Variants in CADPS observed in about 807,000 individuals in gnomAD.
CADPS encodes calcium-dependent secretion activator 1.
Under a neutral mutation model 167.3 loss-of-function variants are expected in CADPS, and 57 were observed. The ratio of observed to expected loss-of-function variants is 0.34; its 90% CI spans 0.28 to 0.42. The LOEUF is 0.42. Ranked by LOEUF, CADPS falls within the 20% of genes least tolerant of loss-of-function variation. The pLI is 1.00. For missense variants in CADPS, 1,414 were observed against 1,738.1 expected (o/e 0.81, Z 3.32); for synonymous variants, 676 against 635.3 (o/e 1.06, Z -0.96).
At chr3:62,500,940 T>C (rs1041454950) in intron 17 of CADPS, among the ~76,000 whole-genome samples, 1 of 152,040 alleles carries the variant, frequency 6.6e-6, no homozygotes, top group Non-Finnish European at 1.5e-5. Context: ...TTCTAGCAAA[T>C]GGGATGTAAG....
In CADPS at chr3:62,705,926, C is replaced by G. The variant is rs140926105; in HGVS notation, c.889-43532G>C. ...GGTCTTTTGAAAACATATATCACATCATGTCATTTGCCTCCTTTAAAGCTA... is the reference window on the plus strand; with the variant it reads ...GGTCTTTTGAAAACATATATCACATGATGTCATTTGCCTCCTTTAAAGCTA... On this transcript the variant is annotated intron_variant, in intron 3 of 29. Transcript: ENST00000383710. 3.2e-4 allele frequency among the ~76,000 whole-genome samples: 48 copies of G among 152,298 alleles called. 1 individual carries two copies. Among genetic ancestry groups the G allele is most frequent in the African/African-American group, 1.1e-3 (46 of 41,542 alleles).
intron 11 of CADPS, among the ~76,000 whole-genome samples, chr3:62,540,016 A>G (rs2075423512): frequency 6.6e-6 from 1 of 152,168 alleles, no homozygotes; most frequent in African/African-American, 2.4e-5. Context: ...GAAGAGAAGT[A>G]CCTGGAAAGT....
chr3:62,720,350 T>G (rs77231017), intron 3 of CADPS, among the ~76,000 whole-genome samples: 1 of 151,638 alleles, frequency 6.6e-6, no homozygotes, highest in African/African-American at 2.4e-5. Flanking sequence ...TGTTTTTTTT[T>G]GAAACACGGT....
At chr3:62,556,177 C>T (rs749435262) in intron 10 of CADPS, among the ~76,000 whole-genome samples, 4 of 152,212 alleles carry the variant, frequency 2.6e-5, no homozygotes, top group Admixed American at 6.5e-5. Flanking sequence ...CCATCCTTTC[C>T]ATGAGAAGTT....
At chr3:62,660,596 C>T (rs1351233323) in intron 4 of CADPS, among the ~76,000 whole-genome samples, 3 of 152,100 alleles carry the variant, frequency 2.0e-5, no homozygotes. Flanking sequence ...GCTTCTCCTC[C>T]AGTAGGATTC....
At chr3:62,766,011 T>C in intron 1 of CADPS, 27 bp from the exon 2 acceptor site, 5 of 1,484,854 alleles carry the variant, frequency 3.4e-6, no homozygotes, top group Admixed American at 1.7e-5. Flanking sequence ...AAGAGGGAAA[T>C]GTGAGAACTT....
intron 3 of CADPS, among the ~76,000 whole-genome samples, chr3:62,701,037 C>G (rs2081291789): frequency 6.6e-6 from 1 of 151,998 alleles, no homozygotes; most frequent in Non-Finnish European, 1.5e-5. Flanking sequence ...TCTGGGGTCT[C>G]TCAGAAGGGC....
intron 13 of CADPS, among the ~76,000 whole-genome samples, chr3:62,531,925 A>C (rs1370357778): frequency 6.6e-6 from 1 of 152,222 alleles, no homozygotes; most frequent in East Asian, 1.9e-4. Flanking sequence ...GTCTAAAGAA[A>C]GAGAGTACTT....
intron 13 of CADPS, among the ~76,000 whole-genome samples, chr3:62,525,184 T>C (rs2071751936): frequency 6.6e-6 from 1 of 152,168 alleles, no homozygotes; most frequent in Admixed American, 6.6e-5. Flanking sequence ...ATAGGTAATT[T>C]AGCATATTTC....
intron 24 of CADPS, among the ~76,000 whole-genome samples, chr3:62,467,798 C>G (rs934013742): frequency 6.6e-6 from 1 of 152,052 alleles, no homozygotes; most frequent in Non-Finnish European, 1.5e-5. Flanking sequence ...AACCAGTGCC[C>G]GAGTCCTTTC....
chr3:62,807,686 TACTTC>T (rs1346541103), intron 1 of CADPS, among the ~76,000 whole-genome samples: 2 of 152,188 alleles, frequency 1.3e-5, no homozygotes, highest in Non-Finnish European at 2.9e-5. Context: ...AATACATATT[TACTTC>T]ATCTGCCAGT....
At chr3:62,564,882 G>C (rs1488072524) in intron 9 of CADPS, among the ~76,000 whole-genome samples, 2 of 152,150 alleles carry the variant, frequency 1.3e-5, no homozygotes. Context: ...TGGGATTACA[G>C]GCATGAGCCA....
At position 62,550,007 on chromosome 3, in the gene CADPS, C is replaced by T; in HGVS notation, c.1862G>A (p.Arg621Gln). The T allele has an allele frequency of 1.2e-6, 2 of 1,613,998 alleles. No homozygotes were observed. Among genetic ancestry groups the T allele is most frequent in the Non-Finnish European group, 8.5e-7 (1 of 1,179,966 alleles). The change falls in exon 11 of 30, where the codon CGG becomes CAG. Residue 621 changes from arginine to glutamine, a missense_variant. Coordinates refer to ENST00000383710, the MANE Select transcript of CADPS (RefSeq NM_003716.4). ...DRILWVQAMY[R>Q]ATGQSHKPVP... ...AGGCTTGTGTGACTGCCCCGTGGCC[C>T]GATACATGGCCTGGACCCACAGGAT...
intron 1 of CADPS, among the ~76,000 whole-genome samples, chr3:62,828,965 C>A (rs935563607): frequency 1.3e-5 from 2 of 152,172 alleles, no homozygotes; most frequent in Admixed American, 6.5e-5. Context: ...CTTACTCTTA[C>A]CTTACATGGG....
At position 62,426,872 on chromosome 3, in the gene CADPS, A is replaced by C. The variant is rs539405867; in HGVS notation, c.3777+11232T>G. Among the ~76,000 whole-genome samples, 8 of 150,954 alleles carry C rather than the reference A, an allele frequency of 5.3e-5. 1 individual carries two copies. In the South Asian group the frequency reaches 8.4e-4, roughly 16 times the overall value. ...CATGAGGTCAGGAGATCGAGACCAT[A>C]CTGGCTAACACGATGAAACCCTGTC... On this transcript the variant is annotated intron_variant, in intron 28 of 29. Transcript: ENST00000383710.
intron 6 of CADPS, among the ~76,000 whole-genome samples, chr3:62,595,406 T>G (rs1275119516): frequency 6.6e-6 from 1 of 152,118 alleles, no homozygotes; most frequent in African/African-American, 2.4e-5. Flanking sequence ...CCAGATATCT[T>G]TAGTTCAAAT....
intron 14 of CADPS, 24 bp from the exon 15 acceptor site, chr3:62,516,667 G>A: frequency 6.4e-7 from 1 of 1,568,980 alleles, no homozygotes; most frequent in South Asian, 1.2e-5. Context: ...AATTCTTCAG[G>A]TTGCCTAAAT....
chr3:62,791,608 A>G (rs1162512175), intron 1 of CADPS, among the ~76,000 whole-genome samples: 5 of 152,192 alleles, frequency 3.3e-5, no homozygotes, highest in African/African-American at 4.8e-5. Context: ...ATTTCATTGC[A>G]TCAGTCAATC....
At chr3:62,503,887 C>A (rs1039687252) in intron 17 of CADPS, among the ~76,000 whole-genome samples, 3 of 152,050 alleles carry the variant, frequency 2.0e-5, no homozygotes, top group African/African-American at 7.2e-5. Flanking sequence ...GTCTCATTAA[C>A]CTTGGACCTG....
Sources: allele counts gnomAD v4.1 joint callset (sites outside exome capture counted in the v4.1 genomes callset), GRCh38; gene constraint gnomAD v4.1.1; transcripts MANE v1.5; gene names NCBI Gene and HGNC (gene_info 2026-07-23, HGNC 2026-07-21).